SVOP: variants seen among roughly 807,000 people sequenced by gnomAD.
The protein encoded by SVOP is SV2 related protein.
In SVOP, 17 loss-of-function variants were observed where a neutral mutation model predicts 69.1. The observed-to-expected ratio is 0.25, with a 90% confidence interval of 0.17 to 0.37. The LOEUF is 0.37. Ranked by LOEUF, SVOP falls within the 10% of genes least tolerant of loss-of-function variation. The probability of loss-of-function intolerance (pLI) is 1.00; values close to 1 mark genes in which losing one functional copy is unlikely to be tolerated. For missense variants in SVOP, 435 were observed against 597.5 expected (o/e 0.73, Z 2.84); for synonymous variants, 238 against 238.6 (o/e 1.00, Z 0.02).
intron 3 of SVOP, chr12:108,978,342 C>T (rs1013712736): frequency 8.4e-6 from 4 of 473,740 alleles, no homozygotes; most frequent in Non-Finnish European, 1.5e-5. Context: ...TGAAAGCCAC[C>T]TAATTAGCTA....
intron 7 of SVOP, 118 bp downstream of exon 7, chr12:108,944,985 T>C: frequency 1.1e-6 from 1 of 882,274 alleles, no homozygotes; most frequent in Non-Finnish European, 1.7e-6. Flanking sequence ...TCTTTGCATA[T>C]TGAGTCTGTA....
chr12:108,991,436 GTTTTGCTTGTTT>G (rs1283938976), intron 1 of SVOP, among the ~76,000 whole-genome samples: 1 of 46,712 alleles, frequency 2.1e-5, no homozygotes, highest in African/African-American at 4.9e-5. Context: ...CCCATCTCGG[GTTTTGCTTGTTT>G]GTTTGTTTGT....
At chr12:109,017,169 G>T (rs2040371906) in intron 1 of SVOP, among the ~76,000 whole-genome samples, 1 of 152,120 alleles carries the variant, frequency 6.6e-6, no homozygotes, top group African/African-American at 2.4e-5. Context: ...TGAGCCTTGG[G>T]TGAGTGAGCA....
intron 6 of SVOP, among the ~76,000 whole-genome samples, chr12:108,953,037 G>C (rs914876038): frequency 1.1e-4 from 16 of 151,786 alleles, no homozygotes; most frequent in African/African-American, 3.9e-4. Flanking sequence ...TATCTACTTT[G>C]GGGAAAGAAA....
intron 6 of SVOP, among the ~76,000 whole-genome samples, chr12:108,948,989 T>C (rs2039939420): frequency 6.6e-6 from 1 of 152,208 alleles, no homozygotes; most frequent in South Asian, 2.1e-4. Context: ...CTACTAATCA[T>C]GCAAAAATGT....
At chr12:109,020,593 C>T (rs572645564) in intron 1 of SVOP, among the ~76,000 whole-genome samples, 1 of 152,074 alleles carries the variant, frequency 6.6e-6, no homozygotes, top group South Asian at 2.1e-4. Context: ...ATCATAACCC[C>T]CGTGGTTCCC....
Position 108,960,240 on chromosome 12 carries a change from G to A in SVOP, c.578+683C>T, listed in dbSNP as rs143307264. Among the ~76,000 whole-genome samples the A allele has an allele frequency of 2.1e-3, 319 of 152,306 alleles. 1 individual carries two copies. The highest frequency in any genetic ancestry group is 7.0e-3 in the African/African-American group (290 of 41,560). The stretch of plus-strand genomic sequence containing the variant: ...AATACATAAATGGAGGGTGCGGTGT[G>A]TTCCAATAAAACTTTATTTACAAAA... On this transcript the variant is annotated intron_variant, in intron 6 of 15. Coordinates refer to ENST00000610966, the MANE Select transcript of SVOP (RefSeq NM_018711.5).
chr12:109,009,515 C>T (rs1044988740), intron 1 of SVOP, among the ~76,000 whole-genome samples: 19 of 151,550 alleles, frequency 1.3e-4, no homozygotes, highest in African/African-American at 2.9e-4. Context: ...TGGATTCAAG[C>T]GATTCTCCTG....
chr12:108,986,043 A>T (rs145816361), intron 1 of SVOP, among the ~76,000 whole-genome samples: 2,302 of 152,306 alleles, frequency 0.015, 28 homozygotes, highest in Non-Finnish European at 0.021. Flanking sequence ...CTTGGCAGGG[A>T]AATGCAGGGC....
At chr12:108,963,229 G>A (rs1404564165) in intron 5 of SVOP, among the ~76,000 whole-genome samples, 1 of 152,044 alleles carries the variant, frequency 6.6e-6, no homozygotes, top group Non-Finnish European at 1.5e-5. Context: ...ACACTTCAGG[G>A]GGCAAGTATG....
At chr12:108,991,352 C>A (rs1372360551) in intron 1 of SVOP, among the ~76,000 whole-genome samples, 2 of 152,228 alleles carry the variant, frequency 1.3e-5, no homozygotes, top group Non-Finnish European at 2.9e-5. Flanking sequence ...CTAATCCCAG[C>A]ACTTTAGGAG....
chr12:108,975,879 T>C (rs2040103911), intron 4 of SVOP, among the ~76,000 whole-genome samples: 1 of 151,978 alleles, frequency 6.6e-6, no homozygotes, highest in African/African-American at 2.4e-5. Context: ...TTTTGTATTT[T>C]TGGTAGAGAC....
intron 1 of SVOP, among the ~76,000 whole-genome samples, chr12:109,020,089 G>A (rs1446225382): frequency 6.6e-6 from 1 of 152,078 alleles, no homozygotes; most frequent in Non-Finnish European, 1.5e-5. Context: ...CTTGTGGTAG[G>A]AAAAATCTGT....
chr12:108,922,225 T>C (rs1255037641), intron 12 of SVOP, among the ~76,000 whole-genome samples: 1 of 152,180 alleles, frequency 6.6e-6, no homozygotes. Context: ...TCGTCCAATA[T>C]AATAAAGATG....
chr12:108,977,295 C>T, intron 4 of SVOP, 103 bp downstream of exon 4: 1 of 1,384,714 alleles, frequency 7.2e-7, no homozygotes, highest in African/African-American at 1.4e-5. Flanking sequence ...GGGCTTAATT[C>T]TTTTCTGCTG....
chr12:108,998,031 C>T (rs1462602113), intron 1 of SVOP, among the ~76,000 whole-genome samples: 1 of 149,764 alleles, frequency 6.7e-6, no homozygotes, highest in East Asian at 2.0e-4. Flanking sequence ...GGAGGACATT[C>T]AAACCAAAGG....
rs1006129135 is a variant in SVOP at position 108,938,877 on chromosome 12, T to C, written c.847A>G (p.Thr283Ala). Residue 283 changes from threonine (T) to alanine (A), a missense_variant, in exon 9 of 16, where the codon ACT (threonine) becomes GCT (alanine). By Grantham distance (58) the Thr-to-Ala change is moderately conservative (BLOSUM62 0). Coordinates refer to ENST00000610966, the MANE Select transcript of SVOP (RefSeq NM_018711.5). ...AGCGGCATGGGAGCTCCGTTTTCAG[T>C]TGCTATCCTCTTTAAGGTGGCGATT... ...KAIATLKRIA[T>A]ENGAPMPLGK... 1.9e-6 allele frequency: 3 copies of C among 1,613,910 alleles called. No homozygotes were observed. The highest frequency in any genetic ancestry group is 2.7e-5 in the African/African-American group (2 of 74,930).
At chr12:109,020,794 G>T in intron 1 of SVOP, 40 bp downstream of exon 1, 1 of 610,100 alleles carries the variant, frequency 1.6e-6, no homozygotes, top group Non-Finnish European at 3.0e-6. Flanking sequence ...TTTTTTAAAA[G>T]AAAGCCTGTC....
intron 8 of SVOP, 86 bp from the exon 9 acceptor site, chr12:108,939,041 G>T: frequency 6.3e-7 from 1 of 1,583,988 alleles, no homozygotes. Flanking sequence ...GTTGCATGTG[G>T]GGTCTTTAAG....
Sources: allele counts gnomAD v4.1 joint callset (sites outside exome capture counted in the v4.1 genomes callset), GRCh38; gene constraint gnomAD v4.1.1; transcripts MANE v1.5; gene names NCBI Gene and HGNC (gene_info 2026-07-23, HGNC 2026-07-21).